The following NFIB variants were observed in gnomAD, a reference collection of about 807,000 sequenced individuals.
The protein encoded by NFIB is nuclear factor I B.
In NFIB, 11 loss-of-function variants were observed where a neutral mutation model predicts 61.5. The ratio of observed to expected loss-of-function variants is 0.18; its 90% confidence interval spans 0.11 to 0.30. The LOEUF (loss-of-function observed/expected upper bound fraction) is 0.30. Ranked by LOEUF, NFIB falls within the 10% of genes least tolerant of loss-of-function variation. NFIB has a pLI of 1.00. For synonymous variants in NFIB, 260 were observed against 216.5 expected (o/e 1.20, Z -1.76); for missense variants, 471 against 608.9 (o/e 0.77, Z 2.38).
intron 5 of NFIB, among the ~76,000 whole-genome samples, chr9:14,149,042 TG>T (rs2042586159): frequency 1.3e-5 from 2 of 152,224 alleles, no homozygotes; most frequent in Admixed American, 6.5e-5. Flanking sequence ...GAAAGATCTG[TG>T]TTGACAACAG....
At chr9:14,152,231 C>T (rs1456206434) in intron 4 of NFIB, among the ~76,000 whole-genome samples, 2 of 152,024 alleles carry the variant, frequency 1.3e-5, no homozygotes, top group East Asian at 1.9e-4. Flanking sequence ...TTATATAATA[C>T]ACTGTAACAT....
At chr9:14,479,105 GA>G in the NFIB span, among the ~76,000 whole-genome samples, 1 of 152,120 alleles carries the variant, frequency 6.6e-6, no homozygotes, top group Non-Finnish European at 1.5e-5. Context: ...AAAAATATTG[GA>G]AATAAAACTA....
chr9:14,517,912 T>G, the NFIB span, among the ~76,000 whole-genome samples: 1 of 152,212 alleles, frequency 6.6e-6, no homozygotes, highest in Non-Finnish European at 1.5e-5. Flanking sequence ...CTGCACCAGC[T>G]TCAAGATGAG....
rs1181849934 is a variant in NFIB at position 14,150,260 on chromosome 9, T to C, written c.691A>G (p.Ile231Val). The change falls in exon 5 of 11, where the codon ATA becomes GTA. Residue 231 changes from isoleucine to valine, a missense_variant. Transcript: ENST00000380953. ...SELVRVSRTP[I>V]TQGTGVNFPI... Reference sequence around the variant, plus strand: ...AAGTTGACTCCAGTTCCCTGGGTTATGGGCGCTGAGGAATAAGACAAAGAA... The same window carrying C: ...AAGTTGACTCCAGTTCCCTGGGTTACGGGCGCTGAGGAATAAGACAAAGAA... 6 of 1,613,264 alleles carry C rather than the reference T, an allele frequency of 3.7e-6. No homozygotes were observed. In the Admixed American group the frequency reaches 5.0e-5, roughly 13 times the overall value.
rs140685097 is a variant in NFIB at position 14,396,604 on chromosome 9, T to G, written c.108+1920A>C. On this transcript the variant is annotated intron_variant, in intron 1 of 8. Coordinates refer to the NFIB transcript ENST00000380934. ...CATTTGTGTGTAACTGTGGGAAAAA[T>G]TGGCACACCCCAAATTCAGCATGTC... Among the ~76,000 whole-genome samples, 140 of 152,140 alleles carry G rather than the reference T, an allele frequency of 9.2e-4. 1 individual carries two copies. The highest frequency in any genetic ancestry group is 3.4e-3 in the Middle Eastern group (1 of 294).
At chr9:14,353,090 T>C (rs1362113004) in intron 1 of NFIB, among the ~76,000 whole-genome samples, 1 of 151,994 alleles carries the variant, frequency 6.6e-6, no homozygotes, top group African/African-American at 2.4e-5. Flanking sequence ...GGGTGCACCA[T>C]GGGTTGGTGA....
At chr9:14,352,623 T>G (rs1461614160) in intron 1 of NFIB, among the ~76,000 whole-genome samples, 2 of 152,216 alleles carry the variant, frequency 1.3e-5, no homozygotes, top group East Asian at 3.8e-4. Flanking sequence ...CCATGCTCTG[T>G]CACCCGGGCC....
chr9:14,279,787 T>C (rs1166012507), intron 2 of NFIB, among the ~76,000 whole-genome samples: 1 of 152,200 alleles, frequency 6.6e-6, no homozygotes, highest in African/African-American at 2.4e-5. Context: ...AAGGTACACT[T>C]ACCATAAAGC....
intron 3 of NFIB, among the ~76,000 whole-genome samples, chr9:14,166,948 T>C (rs2044869982): frequency 6.6e-6 from 1 of 152,158 alleles, no homozygotes; most frequent in Non-Finnish European, 1.5e-5. Context: ...ATAAGTCTTC[T>C]GGGTAAACAT....
chr9:14,290,315 G>A (rs918010340), intron 2 of NFIB, among the ~76,000 whole-genome samples: 2 of 151,906 alleles, frequency 1.3e-5, no homozygotes, highest in Non-Finnish European at 2.9e-5. Context: ...ATTTTTCTCC[G>A]CACTTTAGGC....
At chr9:14,317,357 G>A (rs948335476), upstream of NFIB, 1 of 152,294 alleles carries the variant, frequency 6.6e-6, no homozygotes, top group Admixed American at 6.5e-5. Flanking sequence ...TAAGACCCCA[G>A]AGAAGTGAAG....
intron 1 of NFIB, among the ~76,000 whole-genome samples, chr9:14,353,853 CTTTTT>C (rs59303621): frequency 2.5e-5 from 3 of 118,728 alleles, no homozygotes; most frequent in Admixed American, 8.5e-5. Flanking sequence ...GGGGTTTTGT[CTTTTT>C]TTTTTTTTTT....
intron 3 of NFIB, among the ~76,000 whole-genome samples, chr9:14,167,139 G>C (rs2131325151): frequency 6.6e-6 from 1 of 151,010 alleles, no homozygotes; most frequent in South Asian, 2.1e-4. Flanking sequence ...AATTGGAAGA[G>C]ACAGAAAACA....
intron 1 of NFIB, among the ~76,000 whole-genome samples, chr9:14,346,443 C>A (rs1347011983): frequency 6.6e-6 from 1 of 152,134 alleles, no homozygotes; most frequent in Non-Finnish European, 1.5e-5. Flanking sequence ...ACAACCCTGG[C>A]AGGGTCAAGT....
chr9:14,216,546 C>CTCTG (rs2050942500), intron 2 of NFIB, among the ~76,000 whole-genome samples: 1 of 21,556 alleles, frequency 4.6e-5, no homozygotes, highest in East Asian at 3.1e-4. Flanking sequence ...CTCTCTCCCT[C>CTCTG]TGTGTGTGTG....
At chr9:14,237,815 T>TGTGTGTG (rs2053919393) in intron 2 of NFIB, among the ~76,000 whole-genome samples, 5 of 60,556 alleles carry the variant, frequency 8.3e-5, no homozygotes, top group African/African-American at 1.6e-4. Context: ...TGTGTGTGTG[T>TGTGTGTG]AAGCTCCTCA....
intron 1 of NFIB, among the ~76,000 whole-genome samples, chr9:14,372,563 C>T (rs1268040605): frequency 2.6e-5 from 4 of 152,036 alleles, no homozygotes; most frequent in African/African-American, 9.7e-5. Context: ...CAAAAGCTAG[C>T]CTTATTCTCT....
chr9:14,179,348 G>A (rs2046503795), intron 3 of NFIB, among the ~76,000 whole-genome samples: 2 of 151,860 alleles, frequency 1.3e-5, no homozygotes, highest in Admixed American at 6.6e-5. Context: ...AAAGTAATGA[G>A]AGTTGATAAA....
At chr9:14,231,129 AAAAAAAATATATATAT>A (rs1172631305) in intron 2 of NFIB, among the ~76,000 whole-genome samples, 2 of 78,190 alleles carry the variant, frequency 2.6e-5, no homozygotes. Flanking sequence ...GGAAAAAAAA[AAAAAAAATATATATAT>A]ATATATATAT....
Sources: allele counts gnomAD v4.1 joint callset (sites outside exome capture counted in the v4.1 genomes callset), GRCh38; gene constraint gnomAD v4.1.1; transcripts MANE v1.5; gene names NCBI Gene and HGNC (gene_info 2026-07-23, HGNC 2026-07-21).